The following USH2A variants were observed in gnomAD, a reference collection of about 807,000 sequenced individuals.
USH2A encodes the protein Usher syndrome 2A (autosomal recessive, mild).
Under a neutral mutation model 538.9 loss-of-function variants are expected in USH2A, and 443 were observed. That is an observed-to-expected ratio of 0.82 (90% confidence interval 0.76 to 0.89). The LOEUF (loss-of-function observed/expected upper bound fraction) is 0.89, where lower values mean the gene tolerates loss of function less well. USH2A is among the 40% of genes least tolerant of loss of function. The probability of loss-of-function intolerance (pLI) is 0.00; values close to 1 mark genes in which losing one functional copy is unlikely to be tolerated. For synonymous variants in USH2A, 2,413 were observed against 2,273.5 expected, an observed-to-expected ratio of 1.06 and a Z score of -1.75; for missense variants, 6,633 against 6,324.8, an observed-to-expected ratio of 1.05 and a Z score of -1.65.
At chr1:216,006,832 A>G (rs1668403127) in intron 32 of USH2A, among the ~76,000 whole-genome samples, 1 of 152,064 alleles carries the variant, frequency 6.6e-6, no homozygotes, top group Non-Finnish European at 1.5e-5. Flanking sequence ...ATACTAACCT[A>G]TTTTATTTCT....
chr1:215,670,402 G>T (rs761689358), intron 64 of USH2A, among the ~76,000 whole-genome samples: 1 of 152,174 alleles, frequency 6.6e-6, no homozygotes, highest in East Asian at 1.9e-4. Context: ...AAACCTAACA[G>T]AAGTCCTCCA....
intron 70 of USH2A, among the ~76,000 whole-genome samples, chr1:215,633,789 T>C (rs2102629939): frequency 6.6e-6 from 1 of 152,266 alleles, no homozygotes; most frequent in East Asian, 1.9e-4. Flanking sequence ...GACTGCACCA[T>C]GGAATTAAAT....
intron 38 of USH2A, among the ~76,000 whole-genome samples, chr1:215,903,874 G>T (rs1472050416): frequency 6.6e-6 from 1 of 152,036 alleles, no homozygotes; most frequent in Admixed American, 6.6e-5. Context: ...GCTGTCCAGG[G>T]CCAACTATCC....
At chr1:216,415,140 T>A (rs1359400836) in intron 3 of USH2A, among the ~76,000 whole-genome samples, 1 of 152,074 alleles carries the variant, frequency 6.6e-6, no homozygotes, top group Non-Finnish European at 1.5e-5. Context: ...CTCTGTCACT[T>A]ACTACCTAAA....
At chr1:216,391,593 T>C (rs141547029) in intron 3 of USH2A, among the ~76,000 whole-genome samples, 3 of 152,322 alleles carry the variant, frequency 2.0e-5, no homozygotes, top group African/African-American at 7.2e-5. Flanking sequence ...CATTTGAGAC[T>C]TGCCCCTAGT....
At chr1:216,373,971 G>A (rs2486844) in intron 3 of USH2A, among the ~76,000 whole-genome samples, 87,418 of 151,576 alleles carry the variant, frequency 0.58, 26,573 homozygotes, top group East Asian at 0.8. Context: ...GATGAAACTG[G>A]AAACCATCAT....
rs1485190012 is a variant in USH2A, at chr1:216,324,183, C to T, written c.1313G>A (p.Cys438Tyr). The T allele has an allele frequency of 6.2e-7, 1 of 1,612,942 alleles. No homozygotes were observed. Among genetic ancestry groups the T allele is most frequent in the Non-Finnish European group, 8.5e-7 (1 of 1,179,556 alleles). ...ATATTCATACTTGGAAAGCTGAAGA[C>T]AGTTGACAGAATCAGGTTTTTCCAA... ...GDLEKPDSVN[C>Y]LQLSNFTPYS... is the part of the protein sequence containing the mutation. Residue 438 changes from cysteine (C) to tyrosine (Y), a missense_variant, in exon 7 of 72, where the codon TGT becomes TAT. Coordinates refer to ENST00000307340, the MANE Select transcript of USH2A (RefSeq NM_206933.4).
At chr1:215,785,015 T>C (rs1364053466) in intron 52 of USH2A, among the ~76,000 whole-genome samples, 2 of 152,204 alleles carry the variant, frequency 1.3e-5, no homozygotes, top group Non-Finnish European at 2.9e-5. Context: ...GGGAACACAA[T>C]AGAAGGTTGG....
At chr1:216,351,371 C>T (rs1032029228) in intron 4 of USH2A, among the ~76,000 whole-genome samples, 3 of 152,102 alleles carry the variant, frequency 2.0e-5, no homozygotes, top group African/African-American at 7.2e-5. Flanking sequence ...GTAAGGGAGT[C>T]AGCCTGATGG....
intron 41 of USH2A, among the ~76,000 whole-genome samples, chr1:215,881,551 C>T (rs1317255080): frequency 2.6e-5 from 4 of 152,144 alleles, no homozygotes; most frequent in Non-Finnish European, 5.9e-5. Context: ...GAGATTAAAA[C>T]TTTCAGTTTG....
chr1:215,969,515 A>T (rs937874334), intron 36 of USH2A, among the ~76,000 whole-genome samples: 1 of 151,816 alleles, frequency 6.6e-6, no homozygotes, highest in Non-Finnish European at 1.5e-5. Flanking sequence ...TGTAAATTTC[A>T]ATCTCATGTG....
rs889771223 is a variant in USH2A at position 216,386,731 on chromosome 1, T to C, written c.652-21646A>G. 2.0e-5 allele frequency among the ~76,000 whole-genome samples: 3 copies of C among 151,264 alleles called. No homozygotes were observed. In the East Asian group the frequency reaches 5.9e-4, roughly 30 times the overall value. The stretch of plus-strand genomic sequence containing the variant: ...TTAGCCTGGCGTGGTGACGGGCACC[T>C]GTAGTCCCAGCCACTCGGGAGGCTG... On this transcript the variant is annotated intron_variant, in intron 3 of 71. Coordinates refer to ENST00000307340, the MANE Select transcript of USH2A (RefSeq NM_206933.4).
rs1449891755 is a variant in USH2A at position 216,365,218 on chromosome 1, T to C, written c.652-133A>G. ...TCAGCTGGGAAGACTGAAAACATTA[T>C]TTTAATAGCTCAGTGATATCTCCAT... On this transcript the variant is annotated intron_variant, in intron 3 of 71. Transcript: ENST00000307340. 8.8e-6 allele frequency: 9 copies of C among 1,023,792 alleles called. No individual in the cohort carries two copies. In the Admixed American group the frequency reaches 1.4e-4, roughly 16 times the overall value. 63.4% of individuals were successfully genotyped at this position (1,023,792 alleles called of 1,614,324 possible).
At chr1:216,007,891 A>T (rs186818303) in intron 32 of USH2A, among the ~76,000 whole-genome samples, 7 of 152,356 alleles carry the variant, frequency 4.6e-5, no homozygotes, top group African/African-American at 1.7e-4. Context: ...ATTAAACTGA[A>T]TTATAGAAAT....
At chr1:215,894,773 G>GCCTCATACT (rs1665285626) in intron 40 of USH2A, among the ~76,000 whole-genome samples, 1 of 152,048 alleles carries the variant, frequency 6.6e-6, no homozygotes, top group Non-Finnish European at 1.5e-5. Context: ...CACCCTCCTC[G>GCCTCATACT]CCTCATACTC....
intron 30 of USH2A, among the ~76,000 whole-genome samples, chr1:216,064,534 A>G (rs1260143321): frequency 6.6e-6 from 1 of 151,856 alleles, no homozygotes; most frequent in East Asian, 1.9e-4. Flanking sequence ...TCAAACTTAT[A>G]AGAAAACAAT....
At chr1:216,019,731 T>A (rs1335602348) in intron 32 of USH2A, among the ~76,000 whole-genome samples, 1 of 152,182 alleles carries the variant, frequency 6.6e-6, no homozygotes, top group African/African-American at 2.4e-5. Context: ...CATCATAAAA[T>A]GTCTTGCAGT....
chr1:215,848,442 T>C (rs11579793), intron 44 of USH2A, among the ~76,000 whole-genome samples: 54,115 of 152,140 alleles, frequency 0.36, 10,765 homozygotes, highest in Admixed American at 0.51. Flanking sequence ...AATATACCTA[T>C]GTAGATACAT....
intron 11 of USH2A, among the ~76,000 whole-genome samples, chr1:216,276,599 C>G (rs537257336): frequency 2.0e-5 from 3 of 152,192 alleles, no homozygotes; most frequent in Admixed American, 1.3e-4. Context: ...TGTTTTCACG[C>G]TGGTGATAAA....
Sources: allele counts gnomAD v4.1 joint callset (sites outside exome capture counted in the v4.1 genomes callset), GRCh38; gene constraint gnomAD v4.1.1; transcripts MANE v1.5; gene names NCBI Gene and HGNC (gene_info 2026-07-23, HGNC 2026-07-21).